The following AGBL4 variants were observed in gnomAD, a reference collection of about 807,000 sequenced individuals.
AGBL4 encodes the protein cytosolic carboxypeptidase 6.
In AGBL4, 58 loss-of-function variants were observed where a neutral mutation model predicts 66.4. The observed-to-expected ratio is 0.87, with a 90% confidence interval of 0.71 to 1.09. The LOEUF (loss-of-function observed/expected upper bound fraction) is 1.09. Ranked by LOEUF, AGBL4 falls within the 50% of genes least tolerant of loss-of-function variation. AGBL4 has a pLI of 0.00. For missense variants in AGBL4, 579 were observed against 631.0 expected (o/e 0.92, Z 0.88); for synonymous variants, 234 against 222.9 (o/e 1.05, Z -0.44).
intron 5 of AGBL4, among the ~76,000 whole-genome samples, chr1:49,003,190 G>A (rs1027813096): frequency 3.3e-5 from 5 of 152,156 alleles, no homozygotes; most frequent in Non-Finnish European, 5.9e-5. Flanking sequence ...CTGACGTCAA[G>A]GGTTCACGAC....
At chr1:49,529,344 C>G (rs1410442148) in intron 3 of AGBL4, among the ~76,000 whole-genome samples, 4 of 151,960 alleles carry the variant, frequency 2.6e-5, no homozygotes, top group African/African-American at 9.7e-5. Context: ...AAAGATGATA[C>G]CCTGAATGAA....
chr1:49,078,018 A>C (rs1398515258), intron 4 of AGBL4, among the ~76,000 whole-genome samples: 1 of 152,188 alleles, frequency 6.6e-6, no homozygotes, highest in East Asian at 1.9e-4. Context: ...AAGAGGTTAA[A>C]CAACTTCCCT....
chr1:48,531,903 C>T (rs909722550), downstream of AGBL4, among the ~76,000 whole-genome samples: 5 of 152,166 alleles, frequency 3.3e-5, no homozygotes, highest in Non-Finnish European at 2.9e-5. Flanking sequence ...CCTGCCCCAG[C>T]CTCCTGAGTA....
chr1:49,644,844 A>G (rs1369261663), intron 3 of AGBL4, among the ~76,000 whole-genome samples: 8 of 151,528 alleles, frequency 5.3e-5, no homozygotes, highest in Non-Finnish European at 1.2e-4. Context: ...TGAAACATTT[A>G]CCAAGGTAAA....
intron 3 of AGBL4, among the ~76,000 whole-genome samples, chr1:49,490,374 T>G (rs773882659): frequency 2.2e-4 from 34 of 151,900 alleles, no homozygotes; most frequent in Non-Finnish European, 3.1e-4. Flanking sequence ...ATCCTACTTC[T>G]CAGTAATTAA....
intron 3 of AGBL4, among the ~76,000 whole-genome samples, chr1:49,381,524 CT>C (rs1284913798): frequency 6.6e-6 from 1 of 152,124 alleles, no homozygotes. Context: ...ATAAATCATG[CT>C]GCTATAAAGA....
chr1:49,574,799 G>A (rs1644402726), intron 3 of AGBL4, among the ~76,000 whole-genome samples: 2 of 151,694 alleles, frequency 1.3e-5, no homozygotes. Context: ...TGACTTGTGT[G>A]GAGCTCTGGC....
chr1:49,950,651 C>T (rs905939522), intron 1 of AGBL4, among the ~76,000 whole-genome samples: 3 of 150,786 alleles, frequency 2.0e-5, no homozygotes, highest in African/African-American at 7.3e-5. Flanking sequence ...GAAAGTTCAA[C>T]GAAGAAAAAA....
At chr1:49,474,972 C>T (rs576452811) in intron 3 of AGBL4, among the ~76,000 whole-genome samples, 9 of 152,094 alleles carry the variant, frequency 5.9e-5, no homozygotes, top group East Asian at 1.9e-4. Context: ...TCCAGCAGTA[C>T]GTTGAATAGT....
In AGBL4 at chr1:49,109,028, T is replaced by A. The variant is rs575045741; in HGVS notation, c.378-63228A>T. On this transcript the variant is annotated intron_variant, in intron 4 of 13. Transcript: ENST00000371839. Reference sequence around the variant, plus strand: ...GATCAAATGATCCTCTAGACATGGGTTTTTCAAACATTCTATTATAACTTT... The same window carrying A: ...GATCAAATGATCCTCTAGACATGGGATTTTCAAACATTCTATTATAACTTT... Among the ~76,000 whole-genome samples the A allele has an allele frequency of 2.6e-5, 4 of 152,106 alleles. No individual in the cohort carries two copies. In the East Asian group the frequency reaches 5.8e-4, roughly 22 times the overall value.
chr1:49,428,235 A>G (rs1645710081), intron 3 of AGBL4, among the ~76,000 whole-genome samples: 1 of 152,224 alleles, frequency 6.6e-6, no homozygotes, highest in Non-Finnish European at 1.5e-5. Context: ...CTTGGGGACC[A>G]CACTATAAGT....
intron 3 of AGBL4, among the ~76,000 whole-genome samples, chr1:49,548,011 A>T (rs1252779790): frequency 1.3e-5 from 2 of 152,034 alleles, no homozygotes; most frequent in Admixed American, 1.3e-4. Context: ...TGACCTTGTG[A>T]TCCGCCTGCC....
intron 3 of AGBL4, among the ~76,000 whole-genome samples, chr1:49,311,288 G>C (rs1452490009): frequency 6.6e-6 from 1 of 151,984 alleles, no homozygotes; most frequent in African/African-American, 2.4e-5. Context: ...AGGATTTGAT[G>C]TCAGATCTTA....
At chr1:49,805,836 C>A (rs1165973684) in intron 2 of AGBL4, among the ~76,000 whole-genome samples, 1 of 152,174 alleles carries the variant, frequency 6.6e-6, no homozygotes, top group Non-Finnish European at 1.5e-5. Context: ...GAAACAGAAA[C>A]TGGGCCTTTA....
chr1:48,892,983 C>T (rs924448002), intron 5 of AGBL4, among the ~76,000 whole-genome samples: 4 of 152,120 alleles, frequency 2.6e-5, no homozygotes, highest in Non-Finnish European at 4.4e-5. Flanking sequence ...GAATACACCC[C>T]TTCAAAATAC....
chr1:49,571,105 T>C (rs1644320718), intron 3 of AGBL4, among the ~76,000 whole-genome samples: 1 of 152,030 alleles, frequency 6.6e-6, no homozygotes, highest in Non-Finnish European at 1.5e-5. Flanking sequence ...AGGCCTTTTT[T>C]TTTTTCTAAT....
chr1:49,935,589 G>A (rs535262721), intron 1 of AGBL4, among the ~76,000 whole-genome samples: 1 of 152,180 alleles, frequency 6.6e-6, no homozygotes, highest in Non-Finnish European at 1.5e-5. Flanking sequence ...CACCCCCCCA[G>A]TAGGGGCAGA....
intron 4 of AGBL4, among the ~76,000 whole-genome samples, chr1:49,129,379 T>G (rs1645836655): frequency 6.6e-6 from 1 of 151,884 alleles, no homozygotes; most frequent in Non-Finnish European, 1.5e-5. Flanking sequence ...TAGTTACATA[T>G]GTATACATGT....
chr1:49,368,990 G>A (rs544664346), intron 3 of AGBL4, among the ~76,000 whole-genome samples: 97 of 152,116 alleles, frequency 6.4e-4, no homozygotes, highest in African/African-American at 2.1e-3. Context: ...CAGGAGAATC[G>A]CTTGAACCTG....
Sources: allele counts gnomAD v4.1 joint callset (sites outside exome capture counted in the v4.1 genomes callset), GRCh38; gene constraint gnomAD v4.1.1; transcripts MANE v1.5; gene names NCBI Gene and HGNC (gene_info 2026-07-23, HGNC 2026-07-21).